ODAPH: variants seen among roughly 807,000 people sequenced by gnomAD.
ODAPH encodes the protein amelogenesis imperfecta type IIA4.
In ODAPH, 2 loss-of-function variants were observed where a neutral mutation model predicts 2.8. The ratio of observed to expected loss-of-function variants is 0.72; its 90% confidence interval spans 0.30 to 2.28. ODAPH has a LOEUF of 2.28. Among genes scored for constraint, ODAPH ranks in the 30% most tolerant of loss-of-function variants. ODAPH has a pLI of 0.13. For synonymous variants in ODAPH, 75 were observed against 60.3 expected (o/e 1.24, Z -1.13); for missense variants, 159 against 163.3 (o/e 0.97, Z 0.14).
In ODAPH at chr4:75,560,252, T is replaced by C. The variant is rs145212490; in HGVS notation, c.68-3862T>C. On this transcript the variant is annotated intron_variant, in intron 1 of 1. Coordinates refer to ENST00000311623, the MANE Select transcript of ODAPH (RefSeq NM_178497.5). ...GATTACCTCAGCTTTCTCTCCGGAA[T>C]ATGAAGCTGATTAATCAACTTAGAA... is the stretch of plus-strand genomic sequence containing the variant. 7.2e-5 allele frequency among the ~76,000 whole-genome samples: 11 copies of C among 152,320 alleles called. No homozygotes were observed. The East Asian group carries it at 2.1e-3, about 29-fold the overall frequency.
At chr4:75,560,812 G>A (rs1727531423) in intron 1 of ODAPH, among the ~76,000 whole-genome samples, 2 of 152,158 alleles carry the variant, frequency 1.3e-5, no homozygotes, top group African/African-American at 4.8e-5. Flanking sequence ...ATGAGCACAA[G>A]AGGCGGGTGG....
intron 1 of ODAPH, among the ~76,000 whole-genome samples, chr4:75,557,066 T>C (rs1030494403): frequency 6.6e-6 from 1 of 152,068 alleles, no homozygotes; most frequent in African/African-American, 2.4e-5. Flanking sequence ...ACATAAGAGC[T>C]GGTTGTGGAA....
intron 1 of ODAPH, among the ~76,000 whole-genome samples, chr4:75,558,156 C>A (rs1003388242): frequency 6.6e-6 from 1 of 152,138 alleles, no homozygotes; most frequent in Non-Finnish European, 1.5e-5. Context: ...AATGTAGTAA[C>A]CTGTACCTGT....
At chr4:75,565,440 T>A (rs1463880486), downstream of ODAPH, 1 of 152,208 alleles carries the variant, frequency 6.6e-6, no homozygotes, top group Non-Finnish European at 1.5e-5. Flanking sequence ...CCTCTCAAAC[T>A]TTTAACGTAA....
chr4:75,565,794 C>T (rs1168836297), downstream of ODAPH: 2 of 152,014 alleles, frequency 1.3e-5, no homozygotes, highest in East Asian at 3.9e-4. Context: ...CATGAAAGGA[C>T]TTTGGGAATG....
At chr4:75,565,035 T>C (rs1231872414), downstream of ODAPH, 3 of 158,988 alleles carry the variant, frequency 1.9e-5, no homozygotes, top group African/African-American at 7.2e-5. Flanking sequence ...TCACTCTTGT[T>C]ACCCAGGCTG....
chr4:75,564,500 A>C lies in ODAPH; in HGVS notation c.*61A>C. 1 of 1,612,994 alleles carries C rather than the reference A, an allele frequency of 6.2e-7. No homozygotes were observed. The highest frequency in any genetic ancestry group is 8.5e-7 in the Non-Finnish European group (1 of 1,179,934). On this transcript the variant is annotated 3_prime_UTR_variant, in exon 2 of 2. Transcript: ENST00000311623. ...AAAGCCTATCCTTCAGAAAAAAGCA[A>C]CAAAAAGATTTCTGTTTTATCTTTC...
chr4:75,563,332 C>T (rs1029661135), intron 1 of ODAPH: 2 of 153,902 alleles, frequency 1.3e-5, no homozygotes, highest in Middle Eastern at 1.2e-3. Context: ...GGCCAAAATC[C>T]GCACATCTTA....
chr4:75,562,060 A>G (rs538691308), intron 1 of ODAPH, among the ~76,000 whole-genome samples: 2 of 152,278 alleles, frequency 1.3e-5, no homozygotes, highest in East Asian at 1.9e-4. Context: ...CTGTGGCTCA[A>G]TTCTTAAGTG....
chr4:75,558,884 C>T lies in ODAPH; in HGVS notation c.67+2735C>T, dbSNP rs1057059759. Reference sequence around the variant, plus strand: ...CTAATTTTTGTGTTTTTAGTAGAGACGAGGTTTCACCATGTTGGCCAGGCT... The same window carrying T: ...CTAATTTTTGTGTTTTTAGTAGAGATGAGGTTTCACCATGTTGGCCAGGCT... On this transcript the variant is annotated intron_variant, in intron 1 of 1. Coordinates refer to ENST00000311623, the MANE Select transcript of ODAPH (RefSeq NM_178497.5). 4.8e-4 allele frequency among the ~76,000 whole-genome samples: 73 copies of T among 152,122 alleles called. 1 individual carries two copies. The highest frequency in any genetic ancestry group is 3.5e-3 in the East Asian group (18 of 5,174).
At position 75,564,147 on chromosome 4, in the gene ODAPH, C is replaced by T; in HGVS notation, c.101C>T (p.Ser34Leu). 1 of 1,614,202 alleles carries T rather than the reference C, an allele frequency of 6.2e-7. No homozygotes were observed. Among genetic ancestry groups the T allele is most frequent in the Non-Finnish European group, 8.5e-7 (1 of 1,180,042 alleles). Residue 34 changes from serine to leucine, a missense_variant, in exon 2 of 2, where the codon TCA becomes TTA. Physicochemically the swap from Ser to Leu is moderately radical, Grantham distance 145. Transcript: ENST00000311623. ...GAGGTATTTACGCCTCCTGGAGATT[C>T]ACAAAATAATGCGGACGCTACCGAC... is the stretch of plus-strand genomic sequence containing the variant. The part of the protein sequence containing the change: ...QEEVFTPPGD[S>L]QNNADATDCQ...
At chr4:75,563,605 T>G (rs943406513) in intron 1 of ODAPH, among the ~76,000 whole-genome samples, 5 of 152,226 alleles carry the variant, frequency 3.3e-5, no homozygotes, top group African/African-American at 1.2e-4. Context: ...AATTATTATT[T>G]TGACTTTTTC....
intron 1 of ODAPH, among the ~76,000 whole-genome samples, chr4:75,561,223 CAAA>C (rs35040152): frequency 1.6e-5 from 1 of 62,698 alleles, no homozygotes; most frequent in Admixed American, 2.2e-4. Flanking sequence ...AACTCAATCT[CAAA>C]AAAAAAAAAA....
chr4:75,560,288 A>C (rs758192197), intron 1 of ODAPH, among the ~76,000 whole-genome samples: 1 of 152,190 alleles, frequency 6.6e-6, no homozygotes, highest in Non-Finnish European at 1.5e-5. Flanking sequence ...AGGTAGAGAG[A>C]GTTTCAAAGC....
chr4:75,564,377 C>T lies in ODAPH; in HGVS notation c.331C>T (p.Leu111Phe). The change falls in exon 2 of 2, where the codon CTT becomes TTT. Residue 111 changes from leucine (L) to phenylalanine (F), a missense_variant. By Grantham distance (22) the Leu-to-Phe change is conservative. Transcript: ENST00000311623. ...FQPFYWPHRY[L>F]TYRYFPRRRL... Reference sequence around the variant, plus strand: ...GCCATTTTATTGGCCACACCGTTACCTTACTTATAGGTATTTCCCCAGAAG... The same window carrying T: ...GCCATTTTATTGGCCACACCGTTACTTTACTTATAGGTATTTCCCCAGAAG... 4 of 1,614,148 alleles carry T rather than the reference C, an allele frequency of 2.5e-6. No homozygotes were observed. The South Asian group carries it at 4.4e-5, about 18-fold the overall frequency.
At chr4:75,560,646 C>T (rs1390843593) in intron 1 of ODAPH, among the ~76,000 whole-genome samples, 1 of 152,182 alleles carries the variant, frequency 6.6e-6, no homozygotes, top group Admixed American at 6.5e-5. Flanking sequence ...TTGAAGCAAG[C>T]TTATACCTTG....
At chr4:75,561,647 G>A (rs1478418420) in intron 1 of ODAPH, among the ~76,000 whole-genome samples, 1 of 152,128 alleles carries the variant, frequency 6.6e-6, no homozygotes, top group Non-Finnish European at 1.5e-5. Context: ...AGGAGTTTGA[G>A]ACCAGCCTGG....
chr4:75,558,443 C>T (rs1727430466), intron 1 of ODAPH, among the ~76,000 whole-genome samples: 1 of 151,498 alleles, frequency 6.6e-6, no homozygotes, highest in African/African-American at 2.4e-5. Flanking sequence ...GCTGACTTCT[C>T]TTAAAATCAG....
chr4:75,561,203 A>G (rs975767606), intron 1 of ODAPH, among the ~76,000 whole-genome samples: 29 of 146,548 alleles, frequency 2.0e-4, no homozygotes, highest in East Asian at 4.0e-4. Context: ...CAGCCTGGGC[A>G]ACAGAGCGAA....
Sources: allele counts gnomAD v4.1 joint callset (sites outside exome capture counted in the v4.1 genomes callset), GRCh38; gene constraint gnomAD v4.1.1; transcripts MANE v1.5; gene names NCBI Gene and HGNC (gene_info 2026-07-23, HGNC 2026-07-21).